Variants in UNC13C observed in about 807,000 individuals in gnomAD.
UNC13C encodes the protein protein unc-13 homolog C.
Under a neutral mutation model 245.4 loss-of-function variants are expected in UNC13C, and 174 were observed. That is an observed-to-expected ratio of 0.71 (90% CI 0.63 to 0.80). UNC13C has a LOEUF of 0.80. Among genes scored for constraint, UNC13C ranks in the 30% least tolerant of loss-of-function variants. UNC13C has a pLI of 0.00. For missense variants in UNC13C, 2,829 were observed against 2,602.9 expected (o/e 1.09, Z -1.89); for synonymous variants, 992 against 895.1 (o/e 1.11, Z -1.93).
chr15:54,449,597 A>T (rs11630978), intron 19 of UNC13C, among the ~76,000 whole-genome samples: 12,316 of 152,202 alleles, frequency 0.081, 598 homozygotes, highest in African/African-American at 0.13. Flanking sequence ...TTCATCACAT[A>T]GTTCTCGAGC....
At chr15:54,191,385 C>T (rs1303509248) in intron 4 of UNC13C, among the ~76,000 whole-genome samples, 1 of 152,070 alleles carries the variant, frequency 6.6e-6, no homozygotes, top group East Asian at 1.9e-4. Flanking sequence ...TGAACTCATC[C>T]TTTTTTATGG....
chr15:53,910,933 G>C, the UNC13C span: 1 of 114,680 alleles, frequency 8.7e-6, no homozygotes, highest in African/African-American at 2.6e-5. Context: ...GTAGGTCTTT[G>C]GCCCCTGAGG....
At chr15:54,466,436 C>G (rs76614829) in intron 19 of UNC13C, among the ~76,000 whole-genome samples, 2,960 of 151,778 alleles carry the variant, frequency 0.02, 39 homozygotes, top group Middle Eastern at 0.055. Context: ...TCTCATGTAC[C>G]CCATTAATGT....
At chr15:54,123,526 G>T (rs1378469673) in intron 2 of UNC13C, among the ~76,000 whole-genome samples, 4 of 151,786 alleles carry the variant, frequency 2.6e-5, no homozygotes, top group African/African-American at 9.7e-5. Context: ...AAATTCAAAA[G>T]TAATAAATCA....
chr15:53,956,276 C>T, the UNC13C span, among the ~76,000 whole-genome samples: 4 of 152,076 alleles, frequency 2.6e-5, no homozygotes, highest in South Asian at 2.1e-4. Context: ...CTCAGCATCA[C>T]GCAATGTACT....
At chr15:54,240,318 C>T (rs761619817) in intron 7 of UNC13C, among the ~76,000 whole-genome samples, 4 of 152,250 alleles carry the variant, frequency 2.6e-5, no homozygotes, top group East Asian at 3.9e-4. Flanking sequence ...GACGAGCTGT[C>T]GCATTCAGTC....
intron 4 of UNC13C, among the ~76,000 whole-genome samples, chr15:54,220,254 T>C (rs1295325598): frequency 6.7e-6 from 1 of 150,362 alleles, no homozygotes; most frequent in Admixed American, 6.6e-5. Context: ...CACCATGGAA[T>C]ACTATGCAGC....
rs1297977721 is a variant in UNC13C at position 54,444,518 on chromosome 15, T to C, written c.4933+29451T>C. On this transcript the variant is annotated intron_variant, in intron 19 of 32. Transcript: ENST00000260323. Reference sequence around the variant, plus strand: ...CTTTTACGTAGGAAAATTTAATTTATTTCAATTCAAGGTTATCATTGATAT... The same window carrying C: ...CTTTTACGTAGGAAAATTTAATTTACTTCAATTCAAGGTTATCATTGATAT... 2.0e-5 allele frequency among the ~76,000 whole-genome samples: 3 copies of C among 151,850 alleles called. No homozygotes were observed. In the East Asian group the frequency reaches 5.8e-4, roughly 29 times the overall value.
the UNC13C span, among the ~76,000 whole-genome samples, chr15:53,963,610 T>C: frequency 6.6e-6 from 1 of 152,094 alleles, no homozygotes; most frequent in Non-Finnish European, 1.5e-5. Flanking sequence ...TCAGTACAAA[T>C]CCTGGGAAAC....
At chr15:54,376,096 T>C (rs889878620) in intron 17 of UNC13C, among the ~76,000 whole-genome samples, 1 of 152,216 alleles carries the variant, frequency 6.6e-6, no homozygotes, top group Admixed American at 6.5e-5. Context: ...AGAAGAGACA[T>C]TGAATATCAT....
intron 19 of UNC13C, among the ~76,000 whole-genome samples, chr15:54,420,831 C>T (rs1485265742): frequency 6.6e-6 from 1 of 151,888 alleles, no homozygotes; most frequent in Non-Finnish European, 1.5e-5. Flanking sequence ...TCTAGTTTTC[C>T]TCACCAAGCT....
At chr15:54,504,670 G>A (rs144020816) in intron 22 of UNC13C, among the ~76,000 whole-genome samples, 59 of 152,270 alleles carry the variant, frequency 3.9e-4, no homozygotes, top group Non-Finnish European at 8.1e-4. Flanking sequence ...AATCCGTGAA[G>A]TCACATTTCT....
chr15:54,575,224 C>T (rs961305769), intron 30 of UNC13C, among the ~76,000 whole-genome samples: 28 of 152,098 alleles, frequency 1.8e-4, no homozygotes, highest in African/African-American at 5.8e-4. Context: ...TTAGTAGAGA[C>T]GGTGTTTCAC....
rs374804772 is a variant in UNC13C at position 54,277,298 on chromosome 15, G to A, written c.3818+11802G>A. On this transcript the variant is annotated intron_variant, in intron 10 of 32. Coordinates refer to ENST00000260323, the MANE Select transcript of UNC13C (RefSeq NM_001080534.3). Reference sequence around the variant, plus strand: ...CTGATTTTGACTAGAATTGGACTGGGAGGGACAATAAAATGGATAGCACTT... The same window carrying A: ...CTGATTTTGACTAGAATTGGACTGGAAGGGACAATAAAATGGATAGCACTT... 5.9e-5 allele frequency among the ~76,000 whole-genome samples: 9 copies of A among 152,186 alleles called. No individual in the cohort carries two copies. The East Asian group carries it at 7.7e-4, about 13-fold the overall frequency.
rs186337630 is a variant in UNC13C at position 53,987,721 on chromosome 15, C to T, written c.-257+8794C>T. On this transcript the variant is annotated intron_variant, in intron 1 of 32. Transcript: ENST00000260323. ...TAGCCAAGCTTGGGTTTGAAACATG[C>T]ACACAAAATTCAGTGTAGCAATCCC... 1.9e-3 allele frequency among the ~76,000 whole-genome samples: 290 copies of T among 152,090 alleles called. 2 individuals are homozygous for T. The highest frequency in any genetic ancestry group is 6.7e-3 in the African/African-American group (279 of 41,510).
At chr15:54,053,295 G>A (rs147577556) in intron 2 of UNC13C, among the ~76,000 whole-genome samples, 1 of 152,126 alleles carries the variant, frequency 6.6e-6, no homozygotes, top group Non-Finnish European at 1.5e-5. Context: ...GCCTCCGAAA[G>A]TGTTGGGATT....
chr15:54,483,913 C>A (rs1461437583), intron 19 of UNC13C, among the ~76,000 whole-genome samples: 3 of 151,578 alleles, frequency 2.0e-5, no homozygotes, highest in African/African-American at 7.3e-5. Flanking sequence ...CAGAAACACA[C>A]ATATTCACGG....
intron 17 of UNC13C, among the ~76,000 whole-genome samples, chr15:54,380,717 C>T (rs951005401): frequency 8.5e-5 from 13 of 152,216 alleles, no homozygotes; most frequent in Admixed American, 2.6e-4. Context: ...ATAAATGATG[C>T]TGAGCATTTT....
chr15:54,087,272 T>C (rs914183365), intron 2 of UNC13C, among the ~76,000 whole-genome samples: 11 of 152,122 alleles, frequency 7.2e-5, no homozygotes, highest in African/African-American at 2.7e-4. Context: ...CCCTTGGAAA[T>C]CACTAGTTCA....
Sources: allele counts gnomAD v4.1 joint callset (sites outside exome capture counted in the v4.1 genomes callset), GRCh38; gene constraint gnomAD v4.1.1; transcripts MANE v1.5; gene names NCBI Gene and HGNC (gene_info 2026-07-23, HGNC 2026-07-21).